The following SPARCL1 variants were observed in gnomAD, a reference collection of about 807,000 sequenced individuals.
The protein encoded by SPARCL1 is SPARC-like protein 1.
Under a neutral mutation model 67.1 loss-of-function variants are expected in SPARCL1, and 52 were observed. The observed-to-expected ratio is 0.78, with a 90% CI of 0.62 to 0.98. The LOEUF (loss-of-function observed/expected upper bound fraction) is 0.98, where lower values mean the gene tolerates loss of function less well. SPARCL1 is among the 50% of genes least tolerant of loss of function. The pLI, the probability that SPARCL1 is intolerant of heterozygous loss-of-function variation, is 0.00. For synonymous variants in SPARCL1, 226 were observed against 267.8 expected (o/e 0.84, Z 1.52); for missense variants, 717 against 782.4 (o/e 0.92, Z 1.00).
intron 1 of SPARCL1, among the ~76,000 whole-genome samples, chr4:87,519,960 C>T (rs1725737209): frequency 6.6e-6 from 1 of 152,070 alleles, no homozygotes; most frequent in Admixed American, 6.5e-5. Flanking sequence ...CAGAAACAGG[C>T]CAGGCACGGT....
chr4:87,473,878 G>A, intron 10 of SPARCL1, 75 bp from the exon 11 acceptor site: 1 of 1,001,244 alleles, frequency 1.0e-6, no homozygotes, highest in South Asian at 1.4e-5. Flanking sequence ...ATTAGAGTTG[G>A]GGGATTAGAG....
intron 1 of SPARCL1, among the ~76,000 whole-genome samples, chr4:87,507,166 A>G (rs1035790361): frequency 6.6e-6 from 1 of 152,208 alleles, no homozygotes; most frequent in Admixed American, 6.5e-5. Context: ...TTCATCACAC[A>G]TAACAGTGGA....
intron 10 of SPARCL1, among the ~76,000 whole-genome samples, chr4:87,475,840 T>G (rs1037966853): frequency 6.6e-6 from 1 of 152,202 alleles, no homozygotes; most frequent in African/African-American, 2.4e-5. Context: ...TCAAAGAACT[T>G]AAAACAGATC....
intron 1 of SPARCL1, chr4:87,528,122 G>A (rs1665179530): frequency 6.6e-6 from 1 of 152,144 alleles, no homozygotes. Context: ...TCTTTCTGCA[G>A]TACCTCTTGG....
Position 87,492,272 on chromosome 4 carries a change from G to T in SPARCL1, c.1219-582C>A, listed in dbSNP as rs1253468354. Among the ~76,000 whole-genome samples the T allele has an allele frequency of 3.9e-5, 6 of 152,184 alleles. No individual in the cohort carries two copies. In the East Asian group the frequency reaches 9.7e-4, roughly 25 times the overall value. ...GTCTCTACTAAAAATACAAAAATTA[G>T]CTGGGCATGGTGGCAGGCGCCTATA... On this transcript the variant is annotated intron_variant, in intron 4 of 10. Transcript: ENST00000282470.
intron 8 of SPARCL1, 49 bp from the exon 9 acceptor site, chr4:87,480,569 G>T: frequency 6.6e-7 from 1 of 1,525,886 alleles, no homozygotes; most frequent in Non-Finnish European, 8.8e-7. Flanking sequence ...CAAATGTAAT[G>T]GACTTGTCAC....
At chr4:87,523,504 G>A (rs1725910007) in intron 1 of SPARCL1, among the ~76,000 whole-genome samples, 1 of 152,176 alleles carries the variant, frequency 6.6e-6, no homozygotes, top group African/African-American at 2.4e-5. Flanking sequence ...TGAAAGTGTG[G>A]AGAACATGAC....
chr4:87,521,584 C>T (rs1443315275), intron 1 of SPARCL1, among the ~76,000 whole-genome samples: 1 of 152,174 alleles, frequency 6.6e-6, no homozygotes, highest in Non-Finnish European at 1.5e-5. Flanking sequence ...GCAGCCTCAG[C>T]AAAATTTACA....
Position 87,493,747 on chromosome 4 carries a change from A to G in SPARCL1, c.1053T>C (p.Asp351=), listed in dbSNP as rs773819611. The G allele has an allele frequency of 1.2e-6, 2 of 1,614,134 alleles. No homozygotes were observed. The highest frequency in any genetic ancestry group is 2.2e-5 in the South Asian group (2 of 91,084). ...CATCACTTGCACTGTGCCTGGGGCC[A>G]TCAGTGCCGCCATCATCGCCATCAT... ...GDDDGDDGGT[D]GPRHSASDDY... is the part of the protein sequence containing the mutation. Residue 351 remains aspartate (D), a synonymous_variant, in exon 4 of 11, where the codon GAT becomes GAC. Transcript: ENST00000282470.
At chr4:87,480,814 T>G (rs1723789525) in intron 8 of SPARCL1, among the ~76,000 whole-genome samples, 1 of 143,632 alleles carries the variant, frequency 7.0e-6, no homozygotes, top group African/African-American at 2.9e-5. Context: ...CAAGTAATGT[T>G]CGCTGCTTTT....
intron 2 of SPARCL1, chr4:87,497,177 T>C: frequency 1.0e-6 from 1 of 984,696 alleles, no homozygotes; most frequent in Non-Finnish European, 1.2e-6. Flanking sequence ...CCACGGCTTC[T>C]GGCCAAAGTA....
intron 10 of SPARCL1, among the ~76,000 whole-genome samples, chr4:87,477,728 G>A (rs1723637864): frequency 6.6e-6 from 1 of 152,142 alleles, no homozygotes. Flanking sequence ...CTGCCGCACT[G>A]CATGACCCCT....
intron 1 of SPARCL1, among the ~76,000 whole-genome samples, chr4:87,519,149 C>T (rs1725702974): frequency 1.3e-5 from 2 of 151,796 alleles, no homozygotes. Context: ...CTACTCACTG[C>T]AACCTCCGCC....
At position 87,499,597 on chromosome 4, in the gene SPARCL1, G is replaced by C; in HGVS notation, c.-11-12C>G. ...CATGCTTTCCAGATCTGTGAACCAA[G>C]AAGATAATTATCAGTGGCAGGGAAA... On this transcript the variant is annotated splice_polypyrimidine_tract_variant and intron_variant, in intron 1 of 10. Coordinates refer to ENST00000282470, the MANE Select transcript of SPARCL1 (RefSeq NM_004684.6). The C allele has an allele frequency of 6.3e-7, 1 of 1,579,076 alleles. No homozygotes were observed. Among genetic ancestry groups the C allele is most frequent in the Non-Finnish European group, 8.6e-7 (1 of 1,168,240 alleles).
chr4:87,483,547 A>G (rs1027509225), intron 7 of SPARCL1, among the ~76,000 whole-genome samples: 1 of 152,206 alleles, frequency 6.6e-6, no homozygotes, highest in African/African-American at 2.4e-5. Context: ...TAATAAACAT[A>G]TGTGTGAATG....
chr4:87,508,946 G>T (rs1725233897), intron 1 of SPARCL1, among the ~76,000 whole-genome samples: 1 of 146,394 alleles, frequency 6.8e-6, no homozygotes, highest in Admixed American at 6.9e-5. Flanking sequence ...TGCACCTGGA[G>T]ATAGTGTCAG....
chr4:87,487,488 G>A (rs1280492651), intron 7 of SPARCL1, among the ~76,000 whole-genome samples: 3 of 152,168 alleles, frequency 2.0e-5, no homozygotes, highest in Non-Finnish European at 2.9e-5. Flanking sequence ...GCTTCCCTTT[G>A]TGGGTATTCC....
At chr4:87,495,391 T>G (rs1242674356) in intron 2 of SPARCL1, among the ~76,000 whole-genome samples, 2 of 152,218 alleles carry the variant, frequency 1.3e-5, no homozygotes, top group Non-Finnish European at 2.9e-5. Flanking sequence ...TAAATAATGG[T>G]AACTTTGAGT....
intron 6 of SPARCL1, 103 bp from the exon 7 acceptor site, chr4:87,490,496 A>G: frequency 7.4e-7 from 1 of 1,351,212 alleles, no homozygotes; most frequent in Non-Finnish European, 1.0e-6. Flanking sequence ...TGTGCCAAAG[A>G]TGTGGTCAGG....
Sources: allele counts gnomAD v4.1 joint callset (sites outside exome capture counted in the v4.1 genomes callset), GRCh38; gene constraint gnomAD v4.1.1; transcripts MANE v1.5; gene names NCBI Gene and HGNC (gene_info 2026-07-23, HGNC 2026-07-21).